ADAM18: variants seen among roughly 807,000 people sequenced by gnomAD.
The protein encoded by ADAM18 is ADAM metallopeptidase domain 18, also known as disintegrin and metalloproteinase domain-containing protein 18.
Under a neutral mutation model 94.4 loss-of-function variants are expected in ADAM18, and 117 were observed. The observed-to-expected ratio is 1.24, with a 90% CI of 1.07 to 1.45. The LOEUF (loss-of-function observed/expected upper bound fraction) is 1.45, where lower values mean the gene tolerates loss of function less well. ADAM18 is among the 40% of genes most tolerant of loss of function. The probability of loss-of-function intolerance (pLI) is 0.00; values close to 1 mark genes in which losing one functional copy is unlikely to be tolerated. For missense variants in ADAM18, 936 were observed against 880.0 expected, an observed-to-expected ratio of 1.06 and a Z score of -0.81; for synonymous variants, 327 against 291.6, an observed-to-expected ratio of 1.12 and a Z score of -1.24.
In ADAM18 at chr8:39,663,425, CAAAAA is replaced by C. The variant is rs374386277; in HGVS notation, c.1231-358_1231-354del. The stretch of plus-strand genomic sequence containing the variant: ...GCAAGATAGTGACACCTAGTCTTTA[CAAAAA>C]AAAAAAAAAAAGAAAAAAAATATCT... On this transcript the variant is annotated intron_variant, in intron 12 of 19. Coordinates refer to ENST00000265707, the MANE Select transcript of ADAM18 (RefSeq NM_014237.3). Among the ~76,000 whole-genome samples, 928 of 102,820 alleles carry C rather than the reference CAAAAA, an allele frequency of 9.0e-3. 12 individuals carry two copies. The highest frequency in any genetic ancestry group is 0.054 in the Middle Eastern group (11 of 202). The allele number at this position is 102,820 out of a possible 152,430, so 67.5% of individuals were successfully genotyped here.
At chr8:39,599,589 CTT>C (rs1170531398) in intron 2 of ADAM18, among the ~76,000 whole-genome samples, 1 of 151,980 alleles carries the variant, frequency 6.6e-6, no homozygotes, top group Non-Finnish European at 1.5e-5. Context: ...TTATTTATGT[CTT>C]TGTTAATTTC....
intron 18 of ADAM18, among the ~76,000 whole-genome samples, chr8:39,721,898 C>T (rs1403492988): frequency 6.6e-6 from 1 of 151,196 alleles, no homozygotes; most frequent in Non-Finnish European, 1.5e-5. Context: ...AGTCCTACTA[C>T]TTGCTAGCTA....
intron 2 of ADAM18, among the ~76,000 whole-genome samples, chr8:39,605,444 T>C (rs1374373137): frequency 6.6e-6 from 1 of 152,184 alleles, no homozygotes; most frequent in Admixed American, 6.5e-5. Flanking sequence ...TTTCAGTCTC[T>C]TAGCTCTTTT....
chr8:39,692,343 T>G (rs953489053), intron 16 of ADAM18, among the ~76,000 whole-genome samples: 1 of 151,724 alleles, frequency 6.6e-6, no homozygotes, highest in African/African-American at 2.4e-5. Flanking sequence ...AAACTGAAAC[T>G]ATATATAACC....
At chr8:39,644,327 C>T (rs1401563967) in intron 10 of ADAM18, among the ~76,000 whole-genome samples, 2 of 152,188 alleles carry the variant, frequency 1.3e-5, no homozygotes, top group African/African-American at 4.8e-5. Flanking sequence ...GGATCTCACT[C>T]TGTAGCCCAG....
intron 6 of ADAM18, among the ~76,000 whole-genome samples, chr8:39,618,262 C>A (rs1369645829): frequency 4.6e-5 from 7 of 152,086 alleles, no homozygotes; most frequent in African/African-American, 1.7e-4. Context: ...AGGGGGGTCA[C>A]CGCCTTCTGG....
intron 17 of ADAM18, among the ~76,000 whole-genome samples, chr8:39,700,407 A>G (rs538083360): frequency 6.6e-6 from 1 of 152,314 alleles, no homozygotes; most frequent in Non-Finnish European, 1.5e-5. Context: ...GACAAAGTAA[A>G]CACAAAAATT....
chr8:39,683,719 T>A (rs1394588232), intron 16 of ADAM18, among the ~76,000 whole-genome samples: 2 of 152,244 alleles, frequency 1.3e-5, no homozygotes, highest in Non-Finnish European at 2.9e-5. Flanking sequence ...AAGTATCTGA[T>A]CATGTCTTTA....
At chr8:39,672,404 T>C (rs989487749) in intron 14 of ADAM18, among the ~76,000 whole-genome samples, 22 of 152,270 alleles carry the variant, frequency 1.4e-4, no homozygotes, top group African/African-American at 5.1e-4. Flanking sequence ...AGATGAATAA[T>C]GTTGTTATAA....
chr8:39,592,691 A>G (rs1818606971), intron 2 of ADAM18, among the ~76,000 whole-genome samples: 1 of 152,156 alleles, frequency 6.6e-6, no homozygotes, highest in Non-Finnish European at 1.5e-5. Context: ...GGGACTCCAA[A>G]ATGGGGGATG....
At chr8:39,623,248 T>A (rs1268217802) in intron 6 of ADAM18, among the ~76,000 whole-genome samples, 1 of 152,230 alleles carries the variant, frequency 6.6e-6, no homozygotes, top group Non-Finnish European at 1.5e-5. Context: ...ACTCACTGAT[T>A]GATGTTCACT....
chr8:39,666,289 C>A (rs1165317210), intron 13 of ADAM18, among the ~76,000 whole-genome samples: 1 of 152,156 alleles, frequency 6.6e-6, no homozygotes, highest in Non-Finnish European at 1.5e-5. Flanking sequence ...ATCTATCCCC[C>A]TAGGCCTCCC....
chr8:39,642,638 T>C (rs1820267107), intron 10 of ADAM18, among the ~76,000 whole-genome samples: 2 of 152,138 alleles, frequency 1.3e-5, no homozygotes, highest in Admixed American at 6.5e-5. Context: ...ATCAGTACCA[T>C]GCTGTTTTGG....
intron 2 of ADAM18, among the ~76,000 whole-genome samples, chr8:39,598,553 A>C (rs1818807646): frequency 1.3e-5 from 2 of 152,022 alleles, no homozygotes. Flanking sequence ...GGATCATCTG[A>C]GGCTAGGAGT....
intron 5 of ADAM18, 47 bp from the exon 6 acceptor site, chr8:39,610,482 T>C: frequency 1.3e-6 from 2 of 1,537,594 alleles, no homozygotes; most frequent in Non-Finnish European, 1.8e-6. Flanking sequence ...GAAGGGATCA[T>C]TTGTGAGATT....
intron 12 of ADAM18, among the ~76,000 whole-genome samples, chr8:39,657,836 GAAGA>G (rs1820729877): frequency 6.6e-6 from 1 of 151,952 alleles, no homozygotes; most frequent in African/African-American, 2.4e-5. Flanking sequence ...TTAAAAATGA[GAAGA>G]AAGGAAAAGC....
At chr8:39,668,251 G>A in intron 14 of ADAM18, 55 bp downstream of exon 14, 3 of 1,496,276 alleles carry the variant, frequency 2.0e-6, no homozygotes, top group African/African-American at 1.4e-5. Flanking sequence ...TCTCTGTAGA[G>A]TACATTATGT....
At chr8:39,688,817 C>T (rs530841304) in intron 16 of ADAM18, among the ~76,000 whole-genome samples, 16 of 152,326 alleles carry the variant, frequency 1.1e-4, no homozygotes, top group African/African-American at 3.8e-4. Flanking sequence ...AACTAATTTA[C>T]ATTCCCACTA....
intron 6 of ADAM18, among the ~76,000 whole-genome samples, chr8:39,619,198 G>T (rs535701879): frequency 1.3e-5 from 2 of 152,214 alleles, no homozygotes; most frequent in Admixed American, 1.3e-4. Context: ...TAAAGGAAAA[G>T]ATAGACACAT....
Sources: allele counts gnomAD v4.1 joint callset (sites outside exome capture counted in the v4.1 genomes callset), GRCh38; gene constraint gnomAD v4.1.1; transcripts MANE v1.5; gene names NCBI Gene and HGNC (gene_info 2026-07-23, HGNC 2026-07-21).